Variants in ENTREP2 observed in about 807,000 individuals in gnomAD.
ENTREP2 encodes the protein endosomal transmembrane epsin interactor 2.
the ENTREP2 span, among the ~76,000 whole-genome samples, chr15:29,180,817 TAAA>T: frequency 6.6e-6 from 1 of 151,504 alleles, no homozygotes; most frequent in Non-Finnish European, 1.5e-5. Flanking sequence ...CAGAACTGAA[TAAA>T]AAAGTTACTA....
At chr15:29,538,638 CAAAAA>C in the ENTREP2 span, among the ~76,000 whole-genome samples, 206 of 78,996 alleles carry the variant, frequency 2.6e-3, no homozygotes, top group African/African-American at 8.5e-3. Flanking sequence ...ACTAAAAATA[CAAAAA>C]AAAAAAAAAA....
chr15:29,537,193 A>T, the ENTREP2 span, among the ~76,000 whole-genome samples: 18 of 152,256 alleles, frequency 1.2e-4, no homozygotes, highest in South Asian at 3.7e-3. Flanking sequence ...AACTCGATCA[A>T]CTGGTCCCAA....
chr15:29,343,273 G>A, the ENTREP2 span, among the ~76,000 whole-genome samples: 2 of 152,086 alleles, frequency 1.3e-5, no homozygotes, highest in African/African-American at 2.4e-5. Context: ...TGTCCTTTTA[G>A]ATGTAATTCA....
At chr15:29,558,253 C>T in the ENTREP2 span, among the ~76,000 whole-genome samples, 3 of 152,224 alleles carry the variant, frequency 2.0e-5, no homozygotes, top group East Asian at 3.9e-4. Flanking sequence ...ACACTGCCCA[C>T]GCTGCCTAGC....
chr15:29,416,098 T>C, the ENTREP2 span, among the ~76,000 whole-genome samples: 1 of 152,082 alleles, frequency 6.6e-6, no homozygotes, highest in Non-Finnish European at 1.5e-5. Flanking sequence ...TTCAATGCCA[T>C]CCCCATCAAG....
chr15:29,344,301 T>C, the ENTREP2 span, among the ~76,000 whole-genome samples: 1 of 152,168 alleles, frequency 6.6e-6, no homozygotes, highest in African/African-American at 2.4e-5. Context: ...AATCTAAATG[T>C]TTAATAAAAA....
At chr15:29,379,472 G>C in the ENTREP2 span, among the ~76,000 whole-genome samples, 3 of 152,332 alleles carry the variant, frequency 2.0e-5, no homozygotes, top group East Asian at 5.8e-4. Flanking sequence ...TCTGCCTGGG[G>C]CTTGGGAAGA....
the ENTREP2 span, among the ~76,000 whole-genome samples, chr15:29,392,410 C>A: frequency 2.2e-5 from 3 of 135,606 alleles, no homozygotes; most frequent in Non-Finnish European, 4.6e-5. Flanking sequence ...TGATAAACTC[C>A]CGTTTTTGGT....
At chr15:29,656,019 G>A in the ENTREP2 span, among the ~76,000 whole-genome samples, 898 of 111,786 alleles carry the variant, frequency 8.0e-3, 10 homozygotes, top group African/African-American at 0.034. Context: ...GCAACACTCC[G>A]TTTAAAAAAA....
the ENTREP2 span, among the ~76,000 whole-genome samples, chr15:29,534,181 C>T: frequency 1.8e-4 from 27 of 149,172 alleles, no homozygotes; most frequent in Non-Finnish European, 3.8e-4. Context: ...AGGAGCTCAC[C>T]GGAACGTGGG....
At chr15:29,592,452 A>T in the ENTREP2 span, among the ~76,000 whole-genome samples, 3 of 152,210 alleles carry the variant, frequency 2.0e-5, no homozygotes, top group African/African-American at 7.2e-5. Context: ...TTACCATGTC[A>T]TCCTATGGTG....
the ENTREP2 span, among the ~76,000 whole-genome samples, chr15:29,414,708 G>A: frequency 2.0e-5 from 3 of 152,138 alleles, no homozygotes; most frequent in African/African-American, 7.2e-5. Flanking sequence ...ATGAATCCAG[G>A]AGCTGGTTTT....
At chr15:29,249,402 T>C in the ENTREP2 span, among the ~76,000 whole-genome samples, 51 of 152,228 alleles carry the variant, frequency 3.4e-4, no homozygotes, top group Non-Finnish European at 5.4e-4. Context: ...ATACATTAAA[T>C]ATATATGTAT....
At chr15:29,197,256 G>C in the ENTREP2 span, among the ~76,000 whole-genome samples, 62 of 152,314 alleles carry the variant, frequency 4.1e-4, no homozygotes, top group African/African-American at 1.4e-3. Context: ...GAAGAGAACA[G>C]AGTTACCAGT....
At chr15:29,361,881 C>T in the ENTREP2 span, among the ~76,000 whole-genome samples, 27,468 of 152,196 alleles carry the variant, frequency 0.18, 2,742 homozygotes, top group East Asian at 0.38. Flanking sequence ...TTCTTCCCCT[C>T]TTCTGGAAAC....
chr15:29,217,610 T>G, the ENTREP2 span, among the ~76,000 whole-genome samples: 2 of 151,384 alleles, frequency 1.3e-5, no homozygotes, highest in Admixed American at 1.3e-4. Flanking sequence ...GAATTTTTTA[T>G]TGTTTTTTCC....
At chr15:29,169,654 T>G in the ENTREP2 span, among the ~76,000 whole-genome samples, 420 of 152,360 alleles carry the variant, frequency 2.8e-3, 3 homozygotes, top group African/African-American at 9.7e-3. Context: ...AATTTATTAA[T>G]GGAATTCACT....
At chr15:29,444,154 CAGAAAGAAAGACAGACAAAG>C in the ENTREP2 span, among the ~76,000 whole-genome samples, 13 of 54,872 alleles carry the variant, frequency 2.4e-4, no homozygotes, top group African/African-American at 5.6e-4. Flanking sequence ...GAAAGACAGA[CAGAAAGAAAGACAGACAAAG>C]AAAGAAAGAA....
At chr15:29,421,923 T>C in the ENTREP2 span, among the ~76,000 whole-genome samples, 8 of 152,262 alleles carry the variant, frequency 5.3e-5, 1 homozygote, top group African/African-American at 1.9e-4. Flanking sequence ...GCAGCCAACA[T>C]CCTGCCAGAT....
Sources: gnomAD v4.1 joint callset for allele counts (sites outside exome capture counted in the v4.1 genomes callset) on GRCh38, gnomAD v4.1.1 for gene constraint, MANE v1.5 for transcripts, NCBI Gene and HGNC (gene_info 2026-07-23, HGNC 2026-07-21) for gene names.